CADPS2: variants seen among roughly 807,000 people sequenced by gnomAD.
CADPS2 encodes the protein calcium-dependent secretion activator 2.
A neutral mutation model predicts 172.5 loss-of-function variants in CADPS2; 93 were observed. The observed-to-expected ratio is 0.54, with a 90% CI of 0.46 to 0.64. The LOEUF is 0.64. Ranked by LOEUF, CADPS2 falls within the 30% of genes least tolerant of loss-of-function variation. The probability of loss-of-function intolerance (pLI) is 0.00; values close to 1 mark genes in which losing one functional copy is unlikely to be tolerated. For synonymous variants in CADPS2, 546 were observed against 555.2 expected, an observed-to-expected ratio of 0.98 and a Z score of 0.23; for missense variants, 1,420 against 1,565.9, an observed-to-expected ratio of 0.91 and a Z score of 1.57.
At chr7:122,717,110 C>A (rs1054933929) in intron 2 of CADPS2, among the ~76,000 whole-genome samples, 1 of 152,116 alleles carries the variant, frequency 6.6e-6, no homozygotes, top group African/African-American at 2.4e-5. Context: ...TTTTTGATAT[C>A]CATACTTTTG....
intron 15 of CADPS2, among the ~76,000 whole-genome samples, chr7:122,444,071 G>C (rs1457067816): frequency 1.3e-5 from 2 of 152,078 alleles, no homozygotes; most frequent in Non-Finnish European, 2.9e-5. Context: ...GAAATGTACA[G>C]TATTTACTTT....
intron 1 of CADPS2, among the ~76,000 whole-genome samples, chr7:122,770,283 T>C (rs2093669591): frequency 6.6e-6 from 1 of 152,164 alleles, no homozygotes; most frequent in Admixed American, 6.5e-5. Flanking sequence ...CATGAAATCA[T>C]TGTAGTAAGT....
At chr7:122,746,558 G>A (rs2092722980) in intron 1 of CADPS2, among the ~76,000 whole-genome samples, 1 of 152,018 alleles carries the variant, frequency 6.6e-6, no homozygotes, top group Non-Finnish European at 1.5e-5. Flanking sequence ...CATATTGGAA[G>A]AAGCAGATTG....
intron 1 of CADPS2, among the ~76,000 whole-genome samples, chr7:122,748,056 C>T (rs1196994067): frequency 2.0e-5 from 3 of 152,128 alleles, no homozygotes; most frequent in Non-Finnish European, 4.4e-5. Flanking sequence ...ATATATCCCA[C>T]CTTAAGTACA....
At chr7:122,659,411 A>G (rs903079980) in intron 3 of CADPS2, among the ~76,000 whole-genome samples, 6 of 152,052 alleles carry the variant, frequency 3.9e-5, no homozygotes, top group Admixed American at 1.3e-4. Flanking sequence ...GAGCTTGAAG[A>G]CATGTCAATA....
intron 3 of CADPS2, among the ~76,000 whole-genome samples, chr7:122,650,138 G>A (rs1027903172): frequency 6.6e-6 from 1 of 151,412 alleles, no homozygotes; most frequent in Non-Finnish European, 1.5e-5. Flanking sequence ...TGGAACTCCC[G>A]ACCTCAAGTG....
intron 1 of CADPS2, among the ~76,000 whole-genome samples, chr7:122,858,442 G>A (rs966311330): frequency 6.6e-6 from 1 of 152,150 alleles, no homozygotes; most frequent in African/African-American, 2.4e-5. Context: ...TAAGGATTTA[G>A]AGGCACAAAA....
At chr7:122,508,449 G>GTTTTTTTT (rs1205155217) in intron 9 of CADPS2, among the ~76,000 whole-genome samples, 13 of 68,432 alleles carry the variant, frequency 1.9e-4, no homozygotes, top group East Asian at 4.3e-4. Flanking sequence ...ATTCATTTAA[G>GTTTTTTTT]TTTTTTTTTT....
chr7:122,406,530 G>A (rs1451443255), intron 20 of CADPS2, among the ~76,000 whole-genome samples: 1 of 152,170 alleles, frequency 6.6e-6, no homozygotes, highest in Non-Finnish European at 1.5e-5. Flanking sequence ...AGGTCACATG[G>A]TGAGCACTGT....
At chr7:122,796,433 G>A (rs1006976637) in intron 1 of CADPS2, among the ~76,000 whole-genome samples, 8 of 152,024 alleles carry the variant, frequency 5.3e-5, no homozygotes, top group Non-Finnish European at 1.0e-4. Flanking sequence ...ATGAACAAAG[G>A]TGGAGGCATC....
intron 14 of CADPS2, among the ~76,000 whole-genome samples, chr7:122,464,000 G>A (rs1563408346): frequency 1.3e-5 from 2 of 152,146 alleles, no homozygotes; most frequent in Admixed American, 1.3e-4. Context: ...GAGAGGGCCT[G>A]GAAGCTATGA....
chr7:122,597,545 C>T (rs981193175), intron 6 of CADPS2, among the ~76,000 whole-genome samples: 2 of 152,034 alleles, frequency 1.3e-5, no homozygotes, highest in African/African-American at 4.8e-5. Context: ...ATACTCCACA[C>T]GAATAAAACA....
At chr7:122,605,045 G>A (rs1040734737) in intron 6 of CADPS2, among the ~76,000 whole-genome samples, 1 of 152,058 alleles carries the variant, frequency 6.6e-6, no homozygotes, top group African/African-American at 2.4e-5. Flanking sequence ...CCTAAATACT[G>A]TAGACAACTG....
intron 12 of CADPS2, among the ~76,000 whole-genome samples, chr7:122,479,476 A>G (rs142169271): frequency 3.3e-4 from 50 of 152,344 alleles, no homozygotes; most frequent in Admixed American, 3.2e-3. Flanking sequence ...CAGCCTGAAT[A>G]GTATGTCCAT....
Position 122,425,517 on chromosome 7 carries a change from G to A in CADPS2, c.2477-9353C>T, listed in dbSNP as rs879653107. Among the ~76,000 whole-genome samples, 5 of 151,498 alleles carry A rather than the reference G, an allele frequency of 3.3e-5. No homozygotes were observed. In the East Asian group the frequency reaches 5.8e-4, roughly 18 times the overall value. ...CTCAGGAAGCTGAGGGTGGAGGATCGTTTGAGCCCACCTGGGAGGCAGAGG... is the reference window on the plus strand; with the variant it reads ...CTCAGGAAGCTGAGGGTGGAGGATCATTTGAGCCCACCTGGGAGGCAGAGG... On this transcript the variant is annotated intron_variant, in intron 17 of 29. Transcript: ENST00000449022.
At chr7:122,428,842 A>G (rs1472915964) in intron 17 of CADPS2, among the ~76,000 whole-genome samples, 1 of 152,168 alleles carries the variant, frequency 6.6e-6, no homozygotes, top group Non-Finnish European at 1.5e-5. Flanking sequence ...ATTGAAGTAC[A>G]ATGAATGACT....
chr7:122,430,082 A>T (rs1007919651), intron 17 of CADPS2, among the ~76,000 whole-genome samples: 1 of 152,144 alleles, frequency 6.6e-6, no homozygotes, highest in Non-Finnish European at 1.5e-5. Context: ...GCCTCTGGGA[A>T]AGCATCTCTA....
chr7:122,600,432 C>A (rs536485514), intron 6 of CADPS2, among the ~76,000 whole-genome samples: 5 of 152,178 alleles, frequency 3.3e-5, no homozygotes, highest in Non-Finnish European at 7.4e-5. Context: ...TTAATGTAAT[C>A]ACCAATCTGT....
At chr7:122,572,731 G>A (rs2067441032) in intron 7 of CADPS2, among the ~76,000 whole-genome samples, 1 of 152,020 alleles carries the variant, frequency 6.6e-6, no homozygotes, top group South Asian at 2.1e-4. Flanking sequence ...AGTTTTTCAG[G>A]ACAAAATTAT....
Sources: allele counts gnomAD v4.1 joint callset (sites outside exome capture counted in the v4.1 genomes callset), GRCh38; gene constraint gnomAD v4.1.1; transcripts MANE v1.5; gene names NCBI Gene and HGNC (gene_info 2026-07-23, HGNC 2026-07-21).